FSIP1: variants seen among roughly 807,000 people sequenced by gnomAD.
FSIP1 encodes fibrous sheath interacting protein 1.
Under a neutral mutation model 60.9 loss-of-function variants are expected in FSIP1, and 65 were observed. The observed-to-expected ratio is 1.07, with a 90% confidence interval of 0.87 to 1.31. FSIP1 has a LOEUF of 1.31. Ranked by LOEUF, FSIP1 falls within the 40% of genes most tolerant of loss-of-function variation. FSIP1 has a pLI of 0.00. For synonymous variants in FSIP1, 209 were observed against 221.2 expected (o/e 0.94, Z 0.49); for missense variants, 675 against 665.5 (o/e 1.01, Z -0.16).
At chr15:39,628,373 A>G (rs1328815638) in intron 10 of FSIP1, among the ~76,000 whole-genome samples, 1 of 152,324 alleles carries the variant, frequency 6.6e-6, no homozygotes, top group Middle Eastern at 3.4e-3. Flanking sequence ...CATGTTGTTC[A>G]GTGCCAATGC....
In FSIP1 at chr15:39,623,092, G is replaced by A. The variant is rs183025961; in HGVS notation, c.1189-4847C>T. 8.1e-4 allele frequency among the ~76,000 whole-genome samples: 123 copies of A among 151,774 alleles called. 2 individuals carry two copies. In the South Asian group the frequency reaches 0.022, roughly 27 times the overall value. On this transcript the variant is annotated intron_variant, in intron 10 of 11. Transcript: ENST00000350221. Reference sequence around the variant, plus strand: ...CACATCTCCACCCAGATAAATGCCAGTTTGATGTAGAAGCTAAATTTGATG... The same window carrying A: ...CACATCTCCACCCAGATAAATGCCAATTTGATGTAGAAGCTAAATTTGATG...
At chr15:39,672,897 A>G (rs1893777419) in intron 10 of FSIP1, among the ~76,000 whole-genome samples, 1 of 152,162 alleles carries the variant, frequency 6.6e-6, no homozygotes, top group Non-Finnish European at 1.5e-5. Flanking sequence ...TAGGATGGAA[A>G]CTCATGGCAT....
chr15:39,657,377 T>C (rs551845385), intron 10 of FSIP1, among the ~76,000 whole-genome samples: 151 of 152,298 alleles, frequency 9.9e-4, no homozygotes, highest in African/African-American at 3.4e-3. Context: ...ACACACATCA[T>C]ATTTGATCCA....
intron 10 of FSIP1, among the ~76,000 whole-genome samples, chr15:39,686,477 T>C (rs932569287): frequency 1.3e-5 from 2 of 152,294 alleles, no homozygotes. Flanking sequence ...TATCGCCCCT[T>C]GGCAATGCAT....
intron 10 of FSIP1, among the ~76,000 whole-genome samples, chr15:39,623,772 T>C (rs971686445): frequency 6.6e-6 from 1 of 152,190 alleles, no homozygotes; most frequent in Admixed American, 6.5e-5. Flanking sequence ...TTTCAGAGTC[T>C]AGAGCTGAGA....
intron 10 of FSIP1, among the ~76,000 whole-genome samples, chr15:39,622,852 C>T (rs1891492539): frequency 6.6e-6 from 1 of 152,186 alleles, no homozygotes; most frequent in Non-Finnish European, 1.5e-5. Context: ...CCAACTGCTG[C>T]TCATTTTTCT....
intron 10 of FSIP1, among the ~76,000 whole-genome samples, chr15:39,641,409 A>T (rs900801824): frequency 6.6e-6 from 1 of 152,148 alleles, no homozygotes; most frequent in Non-Finnish European, 1.5e-5. Context: ...GTAAAAACAC[A>T]CGACTTCCCT....
At chr15:39,707,276 T>C (rs1217924325) in intron 10 of FSIP1, among the ~76,000 whole-genome samples, 1 of 152,168 alleles carries the variant, frequency 6.6e-6, no homozygotes, top group East Asian at 1.9e-4. Context: ...GGCTACCTGA[T>C]TGTTTACCAT....
At chr15:39,729,772 C>T (rs1896334206) in intron 8 of FSIP1, among the ~76,000 whole-genome samples, 1 of 152,102 alleles carries the variant, frequency 6.6e-6, no homozygotes, top group Non-Finnish European at 1.5e-5. Flanking sequence ...TAATCCTAAA[C>T]AAAATAACAC....
intron 5 of FSIP1, among the ~76,000 whole-genome samples, chr15:39,761,542 G>A (rs1897499448): frequency 6.6e-6 from 1 of 152,204 alleles, no homozygotes; most frequent in Non-Finnish European, 1.5e-5. Flanking sequence ...GAAGCAGAGT[G>A]GAATGGTGGT....
chr15:39,726,823 C>A, intron 8 of FSIP1, 76 bp from the exon 9 acceptor site: 1 of 1,140,500 alleles, frequency 8.8e-7, no homozygotes, highest in South Asian at 1.5e-5. Context: ...GTGGCTATAA[C>A]AGTGCCCAGG....
At chr15:39,699,852 TA>T (rs371977351) in intron 10 of FSIP1, among the ~76,000 whole-genome samples, 4 of 152,158 alleles carry the variant, frequency 2.6e-5, no homozygotes, top group African/African-American at 9.7e-5. Flanking sequence ...CACTAGAAGA[TA>T]TTTTTTTAAA....
At position 39,724,283 on chromosome 15, in the gene FSIP1, C is replaced by T. The variant is rs1896100491; in HGVS notation, c.1050+2306G>A. On this transcript the variant is annotated intron_variant, in intron 9 of 11. Coordinates refer to ENST00000350221, the MANE Select transcript of FSIP1 (RefSeq NM_152597.5). Reference sequence around the variant, plus strand: ...TTTTTTTTTTTTTGAGACGGAGTCTCACTCTGTCGCCCAGGCTGCAGTGCA... The same window carrying T: ...TTTTTTTTTTTTTGAGACGGAGTCTTACTCTGTCGCCCAGGCTGCAGTGCA... 2.7e-5 allele frequency among the ~76,000 whole-genome samples: 4 copies of T among 149,292 alleles called. No individual in the cohort carries two copies. The South Asian group carries it at 8.4e-4, about 31-fold the overall frequency.
At chr15:39,623,002 T>C (rs1891500542) in intron 10 of FSIP1, among the ~76,000 whole-genome samples, 1 of 151,938 alleles carries the variant, frequency 6.6e-6, no homozygotes, top group South Asian at 2.1e-4. Flanking sequence ...TATAGTGCCC[T>C]CTCTTTTAGC....
chr15:39,763,554 G>T (rs927318649), intron 5 of FSIP1, among the ~76,000 whole-genome samples: 3 of 152,130 alleles, frequency 2.0e-5, no homozygotes, highest in African/African-American at 7.2e-5. Context: ...GGAAGTAAAG[G>T]CAATGACATA....
At chr15:39,698,659 G>GGAGT (rs1418408253) in intron 10 of FSIP1, among the ~76,000 whole-genome samples, 1 of 152,176 alleles carries the variant, frequency 6.6e-6, no homozygotes, top group East Asian at 1.9e-4. Flanking sequence ...CTTGAGCAGT[G>GGAGT]GAGTGGCGTT....
At chr15:39,760,698 A>G (rs1034083563) in intron 5 of FSIP1, among the ~76,000 whole-genome samples, 1 of 152,200 alleles carries the variant, frequency 6.6e-6, no homozygotes, top group Non-Finnish European at 1.5e-5. Context: ...TGACAACGAA[A>G]TGTAACATGG....
At chr15:39,652,595 T>C (rs946932694) in intron 10 of FSIP1, among the ~76,000 whole-genome samples, 11 of 152,218 alleles carry the variant, frequency 7.2e-5, no homozygotes, top group African/African-American at 2.4e-4. Flanking sequence ...CTAAGCAGGC[T>C]TCCTTTCTAC....
intron 8 of FSIP1, among the ~76,000 whole-genome samples, chr15:39,733,068 T>C (rs1421681099): frequency 6.6e-6 from 1 of 151,904 alleles, no homozygotes; most frequent in Non-Finnish European, 1.5e-5. Flanking sequence ...TTGAGACGAG[T>C]CTCTCTCTGT....
Sources: gnomAD v4.1 joint callset for allele counts (sites outside exome capture counted in the v4.1 genomes callset) on GRCh38, gnomAD v4.1.1 for gene constraint, MANE v1.5 for transcripts, NCBI Gene and HGNC (gene_info 2026-07-23, HGNC 2026-07-21) for gene names.